Variants in NUCB2 observed in about 807,000 individuals in gnomAD.
NUCB2 encodes nucleobindin-2.
A neutral mutation model predicts 57.9 loss-of-function variants in NUCB2; 48 were observed. The ratio of observed to expected loss-of-function variants is 0.83; its 90% CI spans 0.66 to 1.05. The LOEUF is 1.05. Ranked by LOEUF, NUCB2 falls within the 50% of genes least tolerant of loss-of-function variation. NUCB2 has a pLI of 0.00. For synonymous variants in NUCB2, 139 were observed against 152.1 expected (o/e 0.91, Z 0.64); for missense variants, 442 against 476.2 (o/e 0.93, Z 0.67).
intron 11 of NUCB2, among the ~76,000 whole-genome samples, chr11:17,322,057 G>T (rs1435475525): frequency 6.6e-6 from 1 of 152,060 alleles, no homozygotes; most frequent in Non-Finnish European, 1.5e-5. Flanking sequence ...CCTTCACTTT[G>T]TTGATTTTTT....
At chr11:17,291,082 C>T (rs1944857684) in intron 2 of NUCB2, among the ~76,000 whole-genome samples, 1 of 152,072 alleles carries the variant, frequency 6.6e-6, no homozygotes, top group African/African-American at 2.4e-5. Flanking sequence ...ATTTCCCCTC[C>T]CTCCACCAGC....
At position 17,295,201 on chromosome 11, in the gene NUCB2, A is replaced by AT. The variant is rs67789971; in HGVS notation, c.1-113dup. ...TTAATCTATTCTTTCCTTTCCTATA[A>AT]TTTTTTTTTTGTTTTATTAAACCTC... On this transcript the variant is annotated intron_variant, in intron 2 of 13. Transcript: ENST00000529010. 3,269 of 710,450 alleles carry AT rather than the reference A, an allele frequency of 4.6e-3. 1 individual carries two copies. The highest frequency in any genetic ancestry group is 7.6e-3 in the South Asian group (248 of 32,794). 44.0% of individuals were successfully genotyped at this position (710,450 alleles called of 1,614,324 possible). A position where few individuals can be genotyped will look rare whatever the true frequency, so the allele number is the denominator to read the frequency against.
chr11:17,289,891 G>T (rs1944632314), intron 2 of NUCB2, among the ~76,000 whole-genome samples: 1 of 152,286 alleles, frequency 6.6e-6, no homozygotes, highest in Non-Finnish European at 1.5e-5. Flanking sequence ...GCTGGAAGTT[G>T]TGCAGCTTCT....
At chr11:17,327,411 T>A (rs973233908) in intron 11 of NUCB2, among the ~76,000 whole-genome samples, 2 of 152,188 alleles carry the variant, frequency 1.3e-5, no homozygotes, top group Non-Finnish European at 2.9e-5. Flanking sequence ...TTAAATGCCA[T>A]GAGGTAGTCT....
intron 1 of NUCB2, among the ~76,000 whole-genome samples, chr11:17,279,495 A>G (rs776745023): frequency 6.6e-6 from 1 of 152,220 alleles, no homozygotes; most frequent in Non-Finnish European, 1.5e-5. Flanking sequence ...GCCTGAAACT[A>G]CAGGTAGTAC....
chr11:17,312,808 G>C (rs1948696619), intron 10 of NUCB2, among the ~76,000 whole-genome samples: 1 of 151,514 alleles, frequency 6.6e-6, no homozygotes, highest in Non-Finnish European at 1.5e-5. Flanking sequence ...CCGGGTTCAA[G>C]TGATTCTCTT....
chr11:17,345,038 C>T (rs1193651624), intron 2 of NUCB2, among the ~76,000 whole-genome samples: 7 of 152,150 alleles, frequency 4.6e-5, no homozygotes, highest in African/African-American at 1.4e-4. Flanking sequence ...GAAATAGTAT[C>T]TGTGTAGTAA....
At chr11:17,304,307 G>C (rs560899751) in intron 5 of NUCB2, among the ~76,000 whole-genome samples, 102 of 151,636 alleles carry the variant, frequency 6.7e-4, no homozygotes, top group Admixed American at 1.7e-3. Context: ...GGATTCTCCT[G>C]CCTCAGCCTC....
In NUCB2 at chr11:17,301,781, A is replaced by C; in HGVS notation, c.290A>C (p.His97Pro). 6 of 1,610,180 alleles carry C rather than the reference A, an allele frequency of 3.7e-6. No individual in the cohort carries two copies. Among genetic ancestry groups the C allele is most frequent in the Non-Finnish European group, 5.1e-6 (6 of 1,176,368 alleles). Residue 97 changes from histidine to proline, a missense_variant, in exon 5 of 14, where the codon CAC becomes CCC. Transcript: ENST00000529010. ...RLSKELDLVSHHVRTKLDELK... is the reference protein window; with the variant it reads ...RLSKELDLVSPHVRTKLDELK... ...AGCAAAGAACTGGATTTAGTAAGTC[A>C]CCATGTGAGGACAAAACTTGATGAA...
chr11:17,343,096 T>C (rs1476880402), intron 2 of NUCB2, among the ~76,000 whole-genome samples: 1 of 151,976 alleles, frequency 6.6e-6, no homozygotes, highest in Non-Finnish European at 1.5e-5. Context: ...TTGATCTTTG[T>C]TGGTTTAAAG....
chr11:17,308,826 T>G (rs888409844), intron 5 of NUCB2, among the ~76,000 whole-genome samples: 1 of 152,200 alleles, frequency 6.6e-6, no homozygotes, highest in African/African-American at 2.4e-5. Flanking sequence ...TCATAAGTGA[T>G]CCATTGGAGC....
At chr11:17,324,511 G>T (rs1216456721) in intron 11 of NUCB2, among the ~76,000 whole-genome samples, 1 of 152,010 alleles carries the variant, frequency 6.6e-6, no homozygotes, top group African/African-American at 2.4e-5. Context: ...TCAGCTCACT[G>T]CAACCTTCGC....
At chr11:17,278,458 T>C (rs1941838019) in intron 1 of NUCB2, 1 of 152,222 alleles carries the variant, frequency 6.6e-6, no homozygotes, top group Admixed American at 6.6e-5. Context: ...ATTACAGGTG[T>C]GAGCCACCGT....
rs753006566 is a variant in NUCB2 at position 17,288,963 on chromosome 11, A to ATATT, written c.-1+6021_-1+6022insATTT. Reference sequence around the variant, plus strand: ...CACACACACACACATATATATATATATTTTTTTTTTTTGAGATGGAGTTTT... The same window carrying ATATT: ...CACACACACACACATATATATATATATATTTTTTTTTTTTTTGAGATGGAGTTTT... On this transcript the variant is annotated intron_variant, in intron 2 of 13. Transcript: ENST00000529010. Among the ~76,000 whole-genome samples, 27 of 68,096 alleles carry ATATT rather than the reference A, an allele frequency of 4.0e-4. 4 individuals are homozygous for ATATT. Among genetic ancestry groups the ATATT allele is most frequent in the Middle Eastern group, 0.012 (1 of 84 alleles). 44.7% of individuals were successfully genotyped at this position (68,096 alleles called of 152,430 possible).
intron 11 of NUCB2, among the ~76,000 whole-genome samples, chr11:17,320,008 C>T (rs1327592347): frequency 6.6e-6 from 1 of 152,108 alleles, no homozygotes; most frequent in African/African-American, 2.4e-5. Context: ...TCTGTTTCTG[C>T]ATTAGTTTGC....
chr11:17,329,185 C>A (rs1337085185), intron 11 of NUCB2, among the ~76,000 whole-genome samples: 1 of 152,162 alleles, frequency 6.6e-6, no homozygotes, highest in Non-Finnish European at 1.5e-5. Context: ...GCCCTCTTTA[C>A]TTTTTCCTCT....
chr11:17,322,248 C>A (rs1283122200), intron 11 of NUCB2, among the ~76,000 whole-genome samples: 1 of 152,080 alleles, frequency 6.6e-6, no homozygotes, highest in East Asian at 1.9e-4. Flanking sequence ...AGTCTTTAAT[C>A]CATTTTGATT....
At chr11:17,303,935 T>A (rs528391095) in intron 5 of NUCB2, among the ~76,000 whole-genome samples, 7 of 151,424 alleles carry the variant, frequency 4.6e-5, no homozygotes, top group African/African-American at 1.7e-4. Flanking sequence ...TTTCTCCATG[T>A]ATGCAGAAAA....
chr11:17,287,164 CA>C (rs72049573), intron 2 of NUCB2, among the ~76,000 whole-genome samples: 2,820 of 149,790 alleles, frequency 0.019, 91 homozygotes, highest in African/African-American at 0.065. Context: ...ACAACTCTAC[CA>C]AAAAAAAATA....
Sources: allele counts gnomAD v4.1 joint callset (sites outside exome capture counted in the v4.1 genomes callset), GRCh38; gene constraint gnomAD v4.1.1; transcripts MANE v1.5; gene names NCBI Gene and HGNC (gene_info 2026-07-23, HGNC 2026-07-21).